Variants in SND1 observed in about 807,000 individuals in gnomAD.
SND1 encodes staphylococcal nuclease and tudor domain containing 1, also known as staphylococcal nuclease domain-containing protein 1.
A neutral mutation model predicts 121.7 loss-of-function variants in SND1; 38 were observed. The ratio of observed to expected loss-of-function variants is 0.31; its 90% CI spans 0.24 to 0.41. The LOEUF is 0.41. Ranked by LOEUF, SND1 falls within the 10% of genes least tolerant of loss-of-function variation. The pLI is 1.00. For missense variants in SND1, 868 were observed against 1,184.6 expected (o/e 0.73, Z 3.92); for synonymous variants, 401 against 447.4 (o/e 0.90, Z 1.31).
At chr7:128,072,294 G>C (rs1464363007) in intron 16 of SND1, among the ~76,000 whole-genome samples, 1 of 152,212 alleles carries the variant, frequency 6.6e-6, no homozygotes, top group East Asian at 1.9e-4. Flanking sequence ...CTGTCTAGTG[G>C]CCTGCCAGGC....
At chr7:127,913,063 G>T (rs1342807749) in intron 14 of SND1, among the ~76,000 whole-genome samples, 1 of 152,200 alleles carries the variant, frequency 6.6e-6, no homozygotes, top group Non-Finnish European at 1.5e-5. Flanking sequence ...GCAGGGCACA[G>T]CTTCTTGTCC....
chr7:128,007,291 A>T (rs76786884), intron 16 of SND1, among the ~76,000 whole-genome samples: 9,379 of 152,246 alleles, frequency 0.062, 856 homozygotes, highest in African/African-American at 0.2. Context: ...AGGGAAAAGA[A>T]GAATCTACTT....
chr7:127,709,008 A>G (rs548515755), intron 9 of SND1, among the ~76,000 whole-genome samples: 3 of 152,290 alleles, frequency 2.0e-5, no homozygotes, highest in African/African-American at 4.8e-5. Context: ...TGCCCAAAGT[A>G]ATAGGTCACA....
At chr7:128,004,810 G>C (rs1420522794) in intron 16 of SND1, among the ~76,000 whole-genome samples, 1 of 152,206 alleles carries the variant, frequency 6.6e-6, no homozygotes, top group African/African-American at 2.4e-5. Flanking sequence ...TTGCAATCTT[G>C]CCTGTGTGGT....
chr7:127,964,251 G>T (rs370603929), intron 15 of SND1, among the ~76,000 whole-genome samples: 2 of 151,442 alleles, frequency 1.3e-5, no homozygotes, highest in South Asian at 2.1e-4. Context: ...AGAAGCTCTT[G>T]AGTTTAATTA....
intron 16 of SND1, among the ~76,000 whole-genome samples, chr7:128,046,881 A>G (rs1394362245): frequency 6.6e-6 from 1 of 152,252 alleles, no homozygotes; most frequent in Non-Finnish European, 1.5e-5. Flanking sequence ...ATATATTCAT[A>G]TCATATTACA....
At chr7:128,048,331 C>A (rs959137816) in intron 16 of SND1, among the ~76,000 whole-genome samples, 1 of 151,162 alleles carries the variant, frequency 6.6e-6, no homozygotes, top group African/African-American at 2.4e-5. Context: ...TTGCTGACTA[C>A]GCTTTGCAGA....
At chr7:127,954,261 G>A (rs1310517730) in intron 15 of SND1, among the ~76,000 whole-genome samples, 1 of 152,154 alleles carries the variant, frequency 6.6e-6, no homozygotes, top group Non-Finnish European at 1.5e-5. Context: ...CAACAGTGGG[G>A]TTTTGTATGG....
intron 11 of SND1, among the ~76,000 whole-genome samples, chr7:127,816,209 G>A (rs1319912547): frequency 6.6e-6 from 1 of 152,130 alleles, no homozygotes; most frequent in Non-Finnish European, 1.5e-5. Context: ...GTAATTAGCA[G>A]CATTTTGAAA....
rs191098833 is a variant in SND1 at position 127,829,320 on chromosome 7, T to C, written c.1243-15004T>C. On this transcript the variant is annotated intron_variant, in intron 11 of 23. Coordinates refer to ENST00000354725, the MANE Select transcript of SND1 (RefSeq NM_014390.4). ...CCTGCTGTGAGGCAGTTTCATTTCC[T>C]CTGAGGTGATTGGTAGGTTGGTTTA... 6.6e-5 allele frequency among the ~76,000 whole-genome samples: 10 copies of C among 152,306 alleles called. No individual in the cohort carries two copies. In the East Asian group the frequency reaches 1.9e-3, roughly 29 times the overall value.
At chr7:127,655,716 T>C (rs1475631265) in intron 1 of SND1, among the ~76,000 whole-genome samples, 1 of 152,240 alleles carries the variant, frequency 6.6e-6, no homozygotes, top group Non-Finnish European at 1.5e-5. Context: ...AGATGCTAAG[T>C]AGATGAGGTT....
At chr7:127,976,552 C>A (rs994637105) in intron 15 of SND1, among the ~76,000 whole-genome samples, 2 of 152,222 alleles carry the variant, frequency 1.3e-5, no homozygotes, top group Non-Finnish European at 2.9e-5. Flanking sequence ...ACTGCTGTGC[C>A]TTCCCTGTCC....
At chr7:128,089,278 T>C (rs1793736081) in intron 21 of SND1, among the ~76,000 whole-genome samples, 1 of 152,172 alleles carries the variant, frequency 6.6e-6, no homozygotes, top group Non-Finnish European at 1.5e-5. Flanking sequence ...GGTCGCCAAC[T>C]CCTGGCCTCA....
At chr7:127,954,895 C>G (rs140233424) in intron 15 of SND1, among the ~76,000 whole-genome samples, 1 of 152,110 alleles carries the variant, frequency 6.6e-6, no homozygotes, top group East Asian at 1.9e-4. Context: ...AGTTCCACTT[C>G]CAGAAATCAC....
Position 128,042,668 on chromosome 7 carries a change from C to CT in SND1, c.1780-31830dup, listed in dbSNP as rs2117008948. Among the ~76,000 whole-genome samples, 3 of 152,348 alleles carry CT rather than the reference C, an allele frequency of 2.0e-5. No homozygotes were observed. In the East Asian group the frequency reaches 5.8e-4, roughly 29 times the overall value. ...TGATTTCCTAACCCATTAAAGCTTT[C>CT]TTTTGCACCTATTATCTGAAAAGGG... On this transcript the variant is annotated intron_variant, in intron 16 of 23. Coordinates refer to ENST00000354725, the MANE Select transcript of SND1 (RefSeq NM_014390.4).
chr7:127,997,978 C>T (rs1215085741), intron 16 of SND1: 1 of 534,596 alleles, frequency 1.9e-6, no homozygotes, highest in Non-Finnish European at 3.8e-6. Flanking sequence ...CTGTTGTGCA[C>T]TTACCAATAG....
chr7:127,705,504 A>G (rs1378909260), intron 8 of SND1, among the ~76,000 whole-genome samples: 1 of 152,162 alleles, frequency 6.6e-6, no homozygotes, highest in Non-Finnish European at 1.5e-5. Flanking sequence ...ATATAGGAAT[A>G]ACTTGTTTCT....
At chr7:127,662,557 G>A (rs765558943) in intron 1 of SND1, among the ~76,000 whole-genome samples, 3 of 152,036 alleles carry the variant, frequency 2.0e-5, no homozygotes, top group Non-Finnish European at 4.4e-5. Context: ...TTTGTTTTTG[G>A]TGGTGGTTGG....
rs60053474 is a variant in SND1, at chr7:127,764,038, C to CAAA, written c.1152+42650_1152+42652dup. 3.8e-3 allele frequency among the ~76,000 whole-genome samples: 292 copies of CAAA among 76,182 alleles called. 1 individual carries two copies. The highest frequency in any genetic ancestry group is 8.8e-3 in the Middle Eastern group (1 of 114). The allele number at this position is 76,182 out of a possible 152,430, so 50.0% of individuals were successfully genotyped here. ...GGGGTGACAGAGCAAGACCCTGTCG[C>CAAA]AAAAAAAAAAAAAACAAAAAAACAA... On this transcript the variant is annotated intron_variant, in intron 10 of 23. Coordinates refer to ENST00000354725, the MANE Select transcript of SND1 (RefSeq NM_014390.4).
Sources: allele counts gnomAD v4.1 joint callset (sites outside exome capture counted in the v4.1 genomes callset), GRCh38; gene constraint gnomAD v4.1.1; transcripts MANE v1.5; gene names NCBI Gene and HGNC (gene_info 2026-07-23, HGNC 2026-07-21).